Variants in POLH observed in about 807,000 individuals in gnomAD.
The protein encoded by POLH is DNA polymerase eta, also known as DNA polymerase eta transcript.
In POLH, 53 loss-of-function variants were observed where a neutral mutation model predicts 73.6. That is an observed-to-expected ratio of 0.72 (90% confidence interval 0.58 to 0.91). The LOEUF is 0.91. Among genes scored for constraint, POLH ranks in the 40% least tolerant of loss-of-function variants. The pLI is 0.00. For synonymous variants in POLH, 292 were observed against 308.5 expected, an observed-to-expected ratio of 0.95 and a Z score of 0.56; for missense variants, 768 against 865.4, an observed-to-expected ratio of 0.89 and a Z score of 1.41.
rs753397463 is a variant in POLH, at chr6:43,587,428, A to C, written c.429A>C (p.Pro143=). ...QGQPISADLL[P]STYIEGLPQG... ...AGCCTATCTCGGCAGACTTGTTGCCAAGCACTTACATTGAAGGGTTGCCCC... is the reference window on the plus strand; with the variant it reads ...AGCCTATCTCGGCAGACTTGTTGCCCAGCACTTACATTGAAGGGTTGCCCC... The change falls in exon 4 of 11, where the codon CCA becomes CCC. Residue 143 remains proline (P), a synonymous_variant. Transcript: ENST00000372236. 2 of 1,614,242 alleles carry C rather than the reference A, an allele frequency of 1.2e-6. No homozygotes were observed. Among genetic ancestry groups the C allele is most frequent in the Non-Finnish European group, 1.7e-6 (2 of 1,180,036 alleles).
rs1167059217 is a variant in POLH at position 43,615,423 on chromosome 6, T to G, written c.*866T>G. ...AAAAAAAATTATCCAGGCGTGGTGG[T>G]GCACGCCTGTAATCCCAGCTACTCA... On this transcript the variant is annotated 3_prime_UTR_variant, in exon 11 of 11. Coordinates refer to ENST00000372236, the MANE Select transcript of POLH (RefSeq NM_006502.3). The G allele has an allele frequency of 6.6e-6, 1 of 151,106 alleles. No individual in the cohort carries two copies. Among genetic ancestry groups the G allele is most frequent in the Non-Finnish European group, 1.5e-5 (1 of 67,840 alleles). 9.4% of individuals were successfully genotyped at this position (151,106 alleles called of 1,614,324 possible).
chr6:43,601,763 AAAAT>A (rs938014232), intron 6 of POLH, among the ~76,000 whole-genome samples: 7 of 152,170 alleles, frequency 4.6e-5, no homozygotes, highest in Admixed American at 2.6e-4. Flanking sequence ...ATCTCTATAA[AAAAT>A]AAATAAATAG....
rs1229353045 is a variant in POLH, at chr6:43,617,087, G to A, written c.*2530G>A. 6.6e-6 allele frequency among the ~76,000 whole-genome samples: 1 copy of A among 152,162 alleles called. No individual in the cohort carries two copies. Among genetic ancestry groups the A allele is most frequent in the East Asian group, 1.9e-4 (1 of 5,198 alleles). ...TGCGTGTAATCCCAGCTAGTTGGGA[G>A]GCTGAGGCAGGAGAATCACTTGAAC... On this transcript the variant is annotated 3_prime_UTR_variant, in exon 11 of 11. Coordinates refer to ENST00000372236, the MANE Select transcript of POLH (RefSeq NM_006502.3).
At position 43,620,011 on chromosome 6, in the gene POLH, A is replaced by G. The variant is rs1768605094; in HGVS notation, c.*5454A>G. 1.2e-4 allele frequency: 33 copies of G among 270,872 alleles called. No homozygotes were observed. The highest frequency in any genetic ancestry group is 1.0e-3 in the South Asian group (32 of 30,588). 16.8% of individuals were successfully genotyped at this position (270,872 alleles called of 1,614,324 possible). ...TACCCATAAAATGTCAAAATCAAGT[A>G]GTATGAACATGGAAACAGGAGCAGG... On this transcript the variant is annotated 3_prime_UTR_variant, in exon 11 of 11. Coordinates refer to ENST00000372236, the MANE Select transcript of POLH (RefSeq NM_006502.3).
At chr6:43,580,755 G>T (rs1007840138) in intron 1 of POLH, among the ~76,000 whole-genome samples, 1 of 132,068 alleles carries the variant, frequency 7.6e-6, no homozygotes, top group Non-Finnish European at 1.6e-5. Flanking sequence ...GCGGCTGGCC[G>T]GGCGGGGGGC....
At chr6:43,592,513 G>A (rs368975138) in intron 4 of POLH, among the ~76,000 whole-genome samples, 17 of 150,498 alleles carry the variant, frequency 1.1e-4, no homozygotes, top group East Asian at 2.0e-4. Flanking sequence ...CCGGGTTCAC[G>A]CCATTCTCCT....
At chr6:43,579,359 A>T (rs902914786) in intron 1 of POLH, among the ~76,000 whole-genome samples, 1 of 152,172 alleles carries the variant, frequency 6.6e-6, no homozygotes, top group African/African-American at 2.4e-5. Flanking sequence ...GTATTAGATC[A>T]TATCTTTTTT....
intron 5 of POLH, among the ~76,000 whole-genome samples, chr6:43,600,019 A>G (rs1162665187): frequency 1.3e-5 from 2 of 151,992 alleles, no homozygotes; most frequent in African/African-American, 2.4e-5. Context: ...TTAGCTGGGC[A>G]TGGTGGCTCA....
At chr6:43,583,655 G>A (rs181841507) in intron 3 of POLH, among the ~76,000 whole-genome samples, 2 of 152,254 alleles carry the variant, frequency 1.3e-5, no homozygotes, top group African/African-American at 4.8e-5. Flanking sequence ...GTCAGAGGTA[G>A]GCACAAACCC....
chr6:43,596,034 T>C (rs1462219486), intron 4 of POLH, among the ~76,000 whole-genome samples: 3 of 151,714 alleles, frequency 2.0e-5, no homozygotes, highest in Non-Finnish European at 4.4e-5. Flanking sequence ...AAAACAATTA[T>C]GTCTACTTCA....
chr6:43,593,898 AAG>A (rs1561903633), intron 4 of POLH, among the ~76,000 whole-genome samples: 1 of 149,108 alleles, frequency 6.7e-6, no homozygotes, highest in African/African-American at 2.5e-5. Context: ...AAAAAAAAAA[AAG>A]AAAGAAAGAA....
At chr6:43,582,969 A>G in intron 2 of POLH, 38 bp from the exon 3 acceptor site, 2 of 1,579,490 alleles carry the variant, frequency 1.3e-6, no homozygotes, top group Non-Finnish European at 1.7e-6. Context: ...TTGTGATCAT[A>G]TAATATGTTT....
In POLH at chr6:43,587,406, C is replaced by T. The variant is rs1561900210; in HGVS notation, c.407C>T (p.Pro136Leu). 6.2e-7 allele frequency: 1 copy of T among 1,614,076 alleles called. No individual in the cohort carries two copies. The highest frequency in any genetic ancestry group is 1.7e-5 in the Admixed American group (1 of 59,996). ...AGACTACAAAAGCTACAAGGTCAGCCTATCTCGGCAGACTTGTTGCCAAGC... is the reference window on the plus strand; with the variant it reads ...AGACTACAAAAGCTACAAGGTCAGCTTATCTCGGCAGACTTGTTGCCAAGC... ...QERLQKLQGQ[P>L]ISADLLPSTY... The change falls in exon 4 of 11, where the codon CCT becomes CTT. Residue 136 changes from proline to leucine, a missense_variant. Pro to Leu is a moderately conservative substitution (Grantham distance 98). Coordinates refer to ENST00000372236, the MANE Select transcript of POLH (RefSeq NM_006502.3).
At position 43,614,792 on chromosome 6, in the gene POLH, T is replaced by C. The variant is rs1488196761; in HGVS notation, c.*235T>C. On this transcript the variant is annotated 3_prime_UTR_variant, in exon 11 of 11. Coordinates refer to ENST00000372236, the MANE Select transcript of POLH (RefSeq NM_006502.3). ...CTACCAGAGTTTTTAATCTTTAGCATTTAGGGAGGCAGTGTCATAAAGTAA... is the reference window on the plus strand; with the variant it reads ...CTACCAGAGTTTTTAATCTTTAGCACTTAGGGAGGCAGTGTCATAAAGTAA... The C allele has an allele frequency of 2.0e-6, 1 of 506,194 alleles. No individual in the cohort carries two copies. The highest frequency in any genetic ancestry group is 3.5e-6 in the Non-Finnish European group (1 of 288,314). 31.4% of individuals were successfully genotyped at this position (506,194 alleles called of 1,614,324 possible).
intron 5 of POLH, 113 bp downstream of exon 5, chr6:43,597,978 C>G: frequency 1.1e-6 from 1 of 897,872 alleles, no homozygotes; most frequent in Non-Finnish European, 1.8e-6. Context: ...TTTCGCACGC[C>G]TATGTGAGTG....
intron 10 of POLH, among the ~76,000 whole-genome samples, chr6:43,611,997 G>A (rs1030652939): frequency 2.0e-4 from 30 of 152,020 alleles, no homozygotes; most frequent in Admixed American, 1.6e-3. Flanking sequence ...TGGAGGTTGC[G>A]GTGAGCCGAG....
At chr6:43,589,613 C>T (rs575430895) in intron 4 of POLH, among the ~76,000 whole-genome samples, 2 of 150,460 alleles carry the variant, frequency 1.3e-5, no homozygotes, top group East Asian at 3.9e-4. Flanking sequence ...CTTGTATATC[C>T]TATCCTAATT....
Position 43,619,601 on chromosome 6 carries a change from TC to T in POLH, c.*5049del, listed in dbSNP as rs1046991856. The stretch of plus-strand genomic sequence containing the variant: ...GGGAGTCTGCCTTATATACTTTTTA[TC>T]CCCCTAAATGTTCCATTAATGTTGC... On this transcript the variant is annotated 3_prime_UTR_variant, in exon 11 of 11. Transcript: ENST00000372236. 6.6e-6 allele frequency among the ~76,000 whole-genome samples: 1 copy of T among 152,134 alleles called. No homozygotes were observed. The highest frequency in any genetic ancestry group is 1.5e-5 in the Non-Finnish European group (1 of 68,020).
At position 43,620,311 on chromosome 6, in the gene POLH, G is replaced by A; in HGVS notation, c.*5754G>A. The A allele has an allele frequency of 1.9e-6, 1 of 516,214 alleles. No individual in the cohort carries two copies. Among genetic ancestry groups the A allele is most frequent in the South Asian group, 1.4e-5 (1 of 70,924 alleles). The allele number at this position is 516,214 out of a possible 1,614,324, so 32.0% of individuals were successfully genotyped here. A position where few individuals can be genotyped will look rare whatever the true frequency, so the allele number is the denominator to read the frequency against. On this transcript the variant is annotated 3_prime_UTR_variant, in exon 11 of 11. Coordinates refer to ENST00000372236, the MANE Select transcript of POLH (RefSeq NM_006502.3). ...TACGGAAAATAGGCCACAATACTTG[G>A]TTACAATACTGGAACTCTGAACCTA...
Sources: allele counts gnomAD v4.1 joint callset (sites outside exome capture counted in the v4.1 genomes callset), GRCh38; gene constraint gnomAD v4.1.1; transcripts MANE v1.5; gene names NCBI Gene and HGNC (gene_info 2026-07-23, HGNC 2026-07-21).